Variants in EYA3 observed in about 807,000 individuals in gnomAD.
The protein encoded by EYA3 is EYA transcriptional coactivator and phosphatase 3, also known as protein phosphatase EYA3.
Under a neutral mutation model 80.0 loss-of-function variants are expected in EYA3, and 39 were observed. The ratio of observed to expected loss-of-function variants is 0.49; its 90% CI spans 0.38 to 0.64. The LOEUF (loss-of-function observed/expected upper bound fraction) is 0.64, where lower values mean the gene tolerates loss of function less well. Ranked by LOEUF, EYA3 falls within the 30% of genes least tolerant of loss-of-function variation. EYA3 has a pLI of 0.00. For synonymous variants in EYA3, 206 were observed against 232.8 expected, an observed-to-expected ratio of 0.88 and a Z score of 1.05; for missense variants, 523 against 676.1, an observed-to-expected ratio of 0.77 and a Z score of 2.51.
In EYA3 at chr1:27,997,344, G is replaced by A. The variant is rs778610813; in HGVS notation, c.1118C>T (p.Ser373Phe). The A allele has an allele frequency of 6.2e-7, 1 of 1,614,120 alleles. No homozygotes were observed. Among genetic ancestry groups the A allele is most frequent in the African/African-American group, 1.3e-5 (1 of 75,020 alleles). The change falls in exon 13 of 18, where the codon TCT becomes TTT. Residue 373 changes from serine to phenylalanine, a missense_variant. This residue lies in a region of EYA3 where 219 missense variants were observed against 332.8 expected (regional missense o/e 0.66). Transcript: ENST00000373871. ...CDQVHVEDVA[S>F]DDNGQDLSNY... ...CCTCAAGTCTTGGCCATTGTCATCA[G>A]AAGCCACATCTTCCACATGTACCTG... is the stretch of plus-strand genomic sequence containing the variant.
intron 16 of EYA3, among the ~76,000 whole-genome samples, chr1:27,988,283 T>C (rs549100940): frequency 1.3e-5 from 2 of 152,358 alleles, no homozygotes; most frequent in South Asian, 4.1e-4. Context: ...ACTAGATTTC[T>C]AAGCTAGATA....
At chr1:28,068,470 TTTTAAA>T (rs772297401) in intron 1 of EYA3, among the ~76,000 whole-genome samples, 3 of 152,200 alleles carry the variant, frequency 2.0e-5, no homozygotes, top group Admixed American at 6.5e-5. Context: ...TTTTTAAATA[TTTTAAA>T]TTTAAACTCA....
At chr1:28,018,455 T>G (rs997970699) in intron 7 of EYA3, among the ~76,000 whole-genome samples, 1 of 152,044 alleles carries the variant, frequency 6.6e-6, no homozygotes, top group African/African-American at 2.4e-5. Flanking sequence ...TTAGACATGG[T>G]TCCTACTGCA....
intron 13 of EYA3, 148 bp downstream of exon 13, chr1:27,997,172 G>A: frequency 1.4e-6 from 1 of 715,932 alleles, no homozygotes; most frequent in Non-Finnish European, 2.4e-6. Flanking sequence ...ATACATCACG[G>A]TTAACTATGT....
intron 3 of EYA3, among the ~76,000 whole-genome samples, chr1:28,048,066 C>T (rs72658325): frequency 3.3e-5 from 5 of 152,024 alleles, no homozygotes; most frequent in South Asian, 2.1e-4. Context: ...GTATATTGTA[C>T]GTCTGACTGA....
chr1:27,997,881 G>A (rs1640566395), intron 12 of EYA3, among the ~76,000 whole-genome samples: 1 of 152,190 alleles, frequency 6.6e-6, no homozygotes, highest in South Asian at 2.1e-4. Flanking sequence ...TCAAAGTCAG[G>A]AGTTAGAAGA....
intron 10 of EYA3, 77 bp downstream of exon 10, chr1:28,010,870 A>C (rs994774887): frequency 7.3e-5 from 111 of 1,527,406 alleles, no homozygotes; most frequent in Non-Finnish European, 9.6e-5. Context: ...TATCTCTGTG[A>C]GCTTCAAAAA....
intron 2 of EYA3, among the ~76,000 whole-genome samples, chr1:28,056,776 T>C (rs908827364): frequency 2.0e-5 from 3 of 152,064 alleles, no homozygotes; most frequent in East Asian, 1.9e-4. Context: ...AGGTAAGGAG[T>C]AACTAACAAT....
intron 7 of EYA3, among the ~76,000 whole-genome samples, chr1:28,020,715 T>A (rs1007677852): frequency 1.4e-5 from 2 of 138,992 alleles, no homozygotes; most frequent in Non-Finnish European, 3.2e-5. Flanking sequence ...TGTGTGTGTG[T>A]GAATAAAAAT....
intron 12 of EYA3, among the ~76,000 whole-genome samples, chr1:27,999,080 A>C (rs1251193148): frequency 6.6e-6 from 1 of 152,184 alleles, no homozygotes; most frequent in Non-Finnish European, 1.5e-5. Context: ...ATAAAATCCT[A>C]TATTACTTTA....
intron 13 of EYA3, 135 bp from the exon 14 acceptor site, chr1:27,993,695 T>C: frequency 3.2e-6 from 2 of 625,256 alleles, no homozygotes; most frequent in Non-Finnish European, 2.5e-6. Context: ...AATCTCTGTA[T>C]GTCAGAGTCT....
At chr1:27,988,375 A>G (rs749773639) in intron 16 of EYA3, 160 bp downstream of exon 16, 2 of 728,082 alleles carry the variant, frequency 2.7e-6, no homozygotes, top group Non-Finnish European at 4.4e-6. Flanking sequence ...TATAACTACT[A>G]AGCCTCAATT....
At chr1:28,082,328 T>G (rs1426917872) in intron 1 of EYA3, among the ~76,000 whole-genome samples, 1 of 152,128 alleles carries the variant, frequency 6.6e-6, no homozygotes, top group Non-Finnish European at 1.5e-5. Context: ...CCTCAACTTA[T>G]ATAAAATAAT....
In EYA3 at chr1:27,971,244, C is replaced by T. The variant is rs1477468674; in HGVS notation, c.*3222G>A. 1 of 152,288 alleles carries T rather than the reference C, an allele frequency of 6.6e-6. No homozygotes were observed. The highest frequency in any genetic ancestry group is 2.4e-5 in the African/African-American group (1 of 41,422). The allele number at this position is 152,288 out of a possible 1,614,324, so 9.4% of individuals were successfully genotyped here. A position where few individuals can be genotyped will look rare whatever the true frequency, so the allele number is the denominator to read the frequency against. ...CCTCAACCCAAGACACACCTCACTC[C>T]AGATCTACTACTAGAGAGAGCCCTC... On this transcript the variant is annotated 3_prime_UTR_variant, in exon 18 of 18. Coordinates refer to ENST00000373871, the MANE Select transcript of EYA3 (RefSeq NM_001990.4).
chr1:28,038,181 G>A (rs756045264), intron 5 of EYA3, among the ~76,000 whole-genome samples: 10 of 152,140 alleles, frequency 6.6e-5, no homozygotes, highest in Middle Eastern at 3.4e-3. Flanking sequence ...GATGGCTCAC[G>A]ACTGTAATCC....
At chr1:28,082,356 T>C (rs1481607240) in intron 1 of EYA3, among the ~76,000 whole-genome samples, 1 of 152,128 alleles carries the variant, frequency 6.6e-6, no homozygotes, top group Non-Finnish European at 1.5e-5. Flanking sequence ...CCCCAGATAT[T>C]TGATTAAATT....
In EYA3 at chr1:28,004,365, TAAG is replaced by T; in HGVS notation, c.961_963del (p.Leu321del). On this transcript the variant is annotated inframe_deletion, in exon 11 of 18. Coordinates refer to ENST00000373871, the MANE Select transcript of EYA3 (RefSeq NM_001990.4). ...CCATATTTCTGGGCATAGGATCCAG[TAAG>T]AAGTGAGTGGAAGATGATGATGGTT... The T allele has an allele frequency of 6.2e-7, 1 of 1,606,496 alleles. No individual in the cohort carries two copies. Among genetic ancestry groups the T allele is most frequent in the Non-Finnish European group, 8.5e-7 (1 of 1,174,566 alleles).
chr1:28,044,633 T>C (rs778990736), intron 3 of EYA3, among the ~76,000 whole-genome samples: 4 of 152,182 alleles, frequency 2.6e-5, no homozygotes, highest in East Asian at 3.9e-4. Flanking sequence ...CACAGCAAAA[T>C]TGTAAAAAGA....
chr1:28,028,064 G>C (rs1466650641), intron 6 of EYA3, 138 bp from the exon 7 acceptor site: 18 of 899,704 alleles, frequency 2.0e-5, no homozygotes, highest in Non-Finnish European at 3.0e-5. Flanking sequence ...GAAAATTATT[G>C]AATCTCCCAC....
Sources: allele counts gnomAD v4.1 joint callset (sites outside exome capture counted in the v4.1 genomes callset), GRCh38; gene constraint gnomAD v4.1.1; regional missense constraint gnomAD v4.1.1; transcripts MANE v1.5; gene names NCBI Gene and HGNC (gene_info 2026-07-23, HGNC 2026-07-21).